The following TENM3 variants were observed in gnomAD, a reference collection of about 807,000 sequenced individuals.
The protein encoded by TENM3 is teneurin transmembrane protein 3.
A neutral mutation model predicts 255.1 loss-of-function variants in TENM3; 63 were observed. The observed-to-expected ratio is 0.25, with a 90% confidence interval of 0.20 to 0.30. TENM3 has a LOEUF of 0.30. Ranked by LOEUF, TENM3 falls within the 10% of genes least tolerant of loss-of-function variation. TENM3 has a pLI of 1.00. For missense variants in TENM3, 2,929 were observed against 3,461.1 expected, an observed-to-expected ratio of 0.85 and a Z score of 3.86; for synonymous variants, 1,306 against 1,322.3, an observed-to-expected ratio of 0.99 and a Z score of 0.27.
At chr4:181,828,047 C>T in the TENM3 span, among the ~76,000 whole-genome samples, 2 of 152,156 alleles carry the variant, frequency 1.3e-5, no homozygotes, top group Admixed American at 6.6e-5. Context: ...AAACTGGTTT[C>T]TAGGAACTGA....
chr4:182,030,554 T>C, the TENM3 span, among the ~76,000 whole-genome samples: 1 of 152,206 alleles, frequency 6.6e-6, no homozygotes, highest in Admixed American at 6.5e-5. Context: ...CCTGTGCATG[T>C]ATCTTTATAA....
At chr4:181,462,349 G>C in the TENM3 span, among the ~76,000 whole-genome samples, 1 of 152,096 alleles carries the variant, frequency 6.6e-6, no homozygotes, top group South Asian at 2.1e-4. Flanking sequence ...TGCATGTCAG[G>C]CTGCCTTGGT....
At chr4:181,857,140 T>A in the TENM3 span, among the ~76,000 whole-genome samples, 749 of 152,188 alleles carry the variant, frequency 4.9e-3, 5 homozygotes, top group African/African-American at 0.017. Context: ...TATTTTTTCA[T>A]ATTGGGTGAT....
chr4:182,758,226 C>CG (rs1195051613), intron 22 of TENM3, among the ~76,000 whole-genome samples: 21 of 151,508 alleles, frequency 1.4e-4, no homozygotes, highest in African/African-American at 4.9e-4. Context: ...GACAAATGAT[C>CG]ATTTTTTTTC....
intron 3 of TENM3, among the ~76,000 whole-genome samples, chr4:182,524,828 A>G (rs58032874): frequency 7.2e-4 from 93 of 129,922 alleles, no homozygotes; most frequent in African/African-American, 2.6e-3. Flanking sequence ...ACATAGTAAA[A>G]CTCTGTCTCT....
chr4:181,977,810 G>A, the TENM3 span, among the ~76,000 whole-genome samples: 1 of 152,180 alleles, frequency 6.6e-6, no homozygotes, highest in African/African-American at 2.4e-5. Flanking sequence ...CATCAGGGGT[G>A]AGGTGACCAT....
chr4:181,680,113 T>G, the TENM3 span, among the ~76,000 whole-genome samples: 1 of 152,134 alleles, frequency 6.6e-6, no homozygotes, highest in Non-Finnish European at 1.5e-5. Flanking sequence ...TTTTGTATTT[T>G]TATTCTATTT....
intron 12 of TENM3, among the ~76,000 whole-genome samples, chr4:182,705,472 C>T (rs918405748): frequency 2.0e-5 from 3 of 152,196 alleles, no homozygotes; most frequent in African/African-American, 7.2e-5. Context: ...TTTAATATGC[C>T]TCCACCAAGC....
chr4:182,389,984 CCAG>C (rs1295895825), intron 3 of TENM3, among the ~76,000 whole-genome samples: 1 of 152,146 alleles, frequency 6.6e-6, no homozygotes, highest in African/African-American at 2.4e-5. Flanking sequence ...CGCGCCCGGC[CCAG>C]TAGATGACTC....
chr4:182,498,203 A>G (rs1311773533), intron 3 of TENM3, among the ~76,000 whole-genome samples: 1 of 152,254 alleles, frequency 6.6e-6, no homozygotes, highest in East Asian at 1.9e-4. Context: ...TATATCTAAG[A>G]CATAGGCTTC....
chr4:182,321,985 G>C (rs1176046951), intron 1 of TENM3, among the ~76,000 whole-genome samples: 1 of 152,058 alleles, frequency 6.6e-6, no homozygotes, highest in African/African-American at 2.4e-5. Context: ...ACTTCTCTTT[G>C]TTGGAATAAA....
intron 3 of TENM3, among the ~76,000 whole-genome samples, chr4:182,582,658 T>G (rs539263707): frequency 2.6e-5 from 4 of 152,170 alleles, no homozygotes; most frequent in African/African-American, 7.2e-5. Flanking sequence ...GTCCTTTTTT[T>G]AAAAAAGTAG....
At chr4:182,041,524 T>C in the TENM3 span, among the ~76,000 whole-genome samples, 1 of 152,226 alleles carries the variant, frequency 6.6e-6, no homozygotes, top group Non-Finnish European at 1.5e-5. Flanking sequence ...ATCTTTTCTG[T>C]ATAACTGTAA....
At chr4:182,710,885 G>T (rs936009964) in intron 12 of TENM3, among the ~76,000 whole-genome samples, 3 of 152,182 alleles carry the variant, frequency 2.0e-5, no homozygotes, top group Non-Finnish European at 4.4e-5. Context: ...GAAACAAGTG[G>T]ACAGGGGCAG....
At chr4:182,312,601 C>G (rs1762521048) in intron 1 of TENM3, among the ~76,000 whole-genome samples, 1 of 152,190 alleles carries the variant, frequency 6.6e-6, no homozygotes, top group Non-Finnish European at 1.5e-5. Context: ...GTGTTTCTTA[C>G]TTTTCCCTCT....
chr4:181,867,804 G>T, the TENM3 span, among the ~76,000 whole-genome samples: 1 of 152,126 alleles, frequency 6.6e-6, no homozygotes, highest in African/African-American at 2.4e-5. Flanking sequence ...GCAAACTGCC[G>T]CAAAATTGAG....
chr4:181,562,064 A>G, the TENM3 span, among the ~76,000 whole-genome samples: 6 of 152,134 alleles, frequency 3.9e-5, no homozygotes, highest in Non-Finnish European at 8.8e-5. Flanking sequence ...TATCATTTTT[A>G]CGGATTAAGA....
At chr4:182,765,267 G>GA (rs999784712) in intron 22 of TENM3, among the ~76,000 whole-genome samples, 6 of 152,144 alleles carry the variant, frequency 3.9e-5, no homozygotes, top group East Asian at 1.9e-4. Context: ...GTGACAAGTG[G>GA]AAAAAAAGAA....
chr4:182,010,779 A>G, the TENM3 span, among the ~76,000 whole-genome samples: 1 of 152,228 alleles, frequency 6.6e-6, no homozygotes, highest in African/African-American at 2.4e-5. Context: ...AAACCTTAAA[A>G]GTTTCCTTAG....
Sources: allele counts gnomAD v4.1 joint callset (sites outside exome capture counted in the v4.1 genomes callset), GRCh38; gene constraint gnomAD v4.1.1; transcripts MANE v1.5; gene names NCBI Gene and HGNC (gene_info 2026-07-23, HGNC 2026-07-21).